Variants in CACNA2D4 observed in about 807,000 individuals in gnomAD.
CACNA2D4 encodes the protein calcium voltage-gated channel auxiliary subunit alpha2delta 4, also known as voltage-dependent calcium channel subunit alpha-2/delta-4.
In CACNA2D4, 157 loss-of-function variants were observed where a neutral mutation model predicts 163.8. The ratio of observed to expected loss-of-function variants is 0.96; its 90% CI spans 0.84 to 1.09. CACNA2D4 has a LOEUF of 1.09. Ranked by LOEUF, CACNA2D4 falls within the 50% of genes least tolerant of loss-of-function variation. The pLI is 0.00. For synonymous variants in CACNA2D4, 598 were observed against 586.9 expected, an observed-to-expected ratio of 1.02 and a Z score of -0.27; for missense variants, 1,410 against 1,479.9, an observed-to-expected ratio of 0.95 and a Z score of 0.78.
At chr12:1,807,452 C>A (rs1487241846) in intron 29 of CACNA2D4, among the ~76,000 whole-genome samples, 1 of 151,548 alleles carries the variant, frequency 6.6e-6, no homozygotes, top group Non-Finnish European at 1.5e-5. Flanking sequence ...ACTCTTTTTG[C>A]CATAGTTTGT....
chr12:1,834,488 C>G lies in CACNA2D4; in HGVS notation c.2551+6251G>C. On this transcript the variant is annotated intron_variant, in intron 26 of 37. Transcript: ENST00000382722. This position sits in a 1 kb window ranked among gnomAD's most constrained non-coding sequence, Gnocchi z 7.6. ...GGAGCCGGAGCCCAGCACAGCCTGC[C>G]CACAGAAGCAGAGGCACCGGCCGGC... 1 of 1,609,682 alleles carries G rather than the reference C, an allele frequency of 6.2e-7. No homozygotes were observed. Among genetic ancestry groups the G allele is most frequent in the Non-Finnish European group, 8.5e-7 (1 of 1,179,876 alleles).
chr12:1,807,485 TA>T (rs1266565285), intron 29 of CACNA2D4, among the ~76,000 whole-genome samples: 1 of 151,856 alleles, frequency 6.6e-6, no homozygotes, highest in Non-Finnish European at 1.5e-5. Flanking sequence ...ATAACTGCTC[TA>T]GAGTTGTTAA....
At chr12:1,822,436 C>G (rs749755896) in intron 26 of CACNA2D4, among the ~76,000 whole-genome samples, 1 of 152,088 alleles carries the variant, frequency 6.6e-6, no homozygotes, top group Non-Finnish European at 1.5e-5. Context: ...GCCTCCTGTG[C>G]CCTGCCTGGG....
rs999546293 is a variant in CACNA2D4 at position 1,811,668 on chromosome 12, C to T, written c.2607G>A (p.Thr869=). ...GGCCCGACATCACACCTACCTGCCG[C>T]GTTGCCGCCCAGAATTTGCGCTGGA... is the stretch of plus-strand genomic sequence containing the variant. ...EFLQRKFWAA[T]RQCSTVDGPC... is the part of the protein sequence containing the mutation. The change falls in exon 27 of 38, where the codon ACG becomes ACA. Residue 869 remains threonine (T), a synonymous_variant. Coordinates refer to ENST00000382722, the MANE Select transcript of CACNA2D4 (RefSeq NM_172364.5). 2.3e-5 allele frequency: 36 copies of T among 1,559,236 alleles called. No homozygotes were observed. Among genetic ancestry groups the T allele is most frequent in the East Asian group, 4.9e-5 (2 of 41,184 alleles).
At chr12:1,793,878 G>C in intron 37 of CACNA2D4, 119 bp from the exon 38 acceptor site, 1 of 734,176 alleles carries the variant, frequency 1.4e-6, no homozygotes. Flanking sequence ...TGGAAAGCCG[G>C]GGAAGCACTG....
chr12:1,830,718 G>A (rs933646699), intron 26 of CACNA2D4, among the ~76,000 whole-genome samples: 1 of 152,202 alleles, frequency 6.6e-6, no homozygotes, highest in African/African-American at 2.4e-5. Context: ...AAGGCAGGGC[G>A]CCCTGCAGAC....
chr12:1,825,596 G>A (rs576337855), intron 26 of CACNA2D4, among the ~76,000 whole-genome samples: 4 of 152,324 alleles, frequency 2.6e-5, no homozygotes, highest in South Asian at 2.1e-4. Context: ...AGCCAGGTGC[G>A]TGTGTGCATG....
At chr12:1,913,199 T>G in intron 2 of CACNA2D4, 60 bp from the exon 3 acceptor site, 1 of 1,139,912 alleles carries the variant, frequency 8.8e-7, no homozygotes, top group Non-Finnish European at 1.3e-6. Flanking sequence ...TAGTTGCACC[T>G]GTGTATGCAT....
chr12:1,870,618 T>C (rs984736167), intron 18 of CACNA2D4, among the ~76,000 whole-genome samples: 8 of 151,720 alleles, frequency 5.3e-5, no homozygotes, highest in Admixed American at 6.6e-5. Context: ...TGCCTTTCCG[T>C]TTTTGTTTTT....
Position 1,878,863 on chromosome 12 carries a change from G to A in CACNA2D4, c.1644+93C>T, listed in dbSNP as rs1865934585. 8.0e-7 allele frequency: 1 copy of A among 1,244,450 alleles called. No homozygotes were observed. The highest frequency in any genetic ancestry group is 1.4e-5 in the South Asian group (1 of 71,512). 77.1% of individuals were successfully genotyped at this position (1,244,450 alleles called of 1,614,324 possible). ...TGGAGGGGCCCCACCCCAGCTCTGG[G>A]CTTGGCTTGCCTGGAGAGAGGCTCC... On this transcript the variant is annotated intron_variant, in intron 15 of 37. Coordinates refer to ENST00000382722, the MANE Select transcript of CACNA2D4 (RefSeq NM_172364.5). This position sits in a 1 kb window ranked among gnomAD's most constrained non-coding sequence, Gnocchi z 4.6.
chr12:1,832,292 G>T (rs554326960), intron 26 of CACNA2D4, among the ~76,000 whole-genome samples: 8 of 152,316 alleles, frequency 5.3e-5, no homozygotes, highest in African/African-American at 1.4e-4. Context: ...GCAGGGCCTG[G>T]TCTGTAAAGT....
In CACNA2D4 at chr12:1,829,993, AG is replaced by A. The variant is rs1864547359; in HGVS notation, c.2551+10745del. Among the ~76,000 whole-genome samples the A allele has an allele frequency of 6.6e-6, 1 of 152,192 alleles. No individual in the cohort carries two copies. The highest frequency in any genetic ancestry group is 1.5e-5 in the Non-Finnish European group (1 of 68,022). The stretch of plus-strand genomic sequence containing the variant: ...ACTGCTCTGATGTGATTGTTCCCTG[AG>A]GGTTACTTCTCCCAGCCCTACAGAC... On this transcript the variant is annotated intron_variant, in intron 26 of 37. Transcript: ENST00000382722. This position sits in a 1 kb window ranked among gnomAD's most constrained non-coding sequence, Gnocchi z 4.2.
At chr12:1,841,810 C>T (rs1264142419) in intron 25 of CACNA2D4, among the ~76,000 whole-genome samples, 1 of 152,212 alleles carries the variant, frequency 6.6e-6, no homozygotes, top group Admixed American at 6.5e-5. Context: ...CTCACATCTG[C>T]CACGTCACCA....
intron 18 of CACNA2D4, among the ~76,000 whole-genome samples, chr12:1,868,353 GAC>G (rs1363742107): frequency 6.6e-6 from 1 of 151,980 alleles, no homozygotes; most frequent in Non-Finnish European, 1.5e-5. Flanking sequence ...AAATTAGCCA[GAC>G]ACAGAAAAAA....
intron 26 of CACNA2D4, among the ~76,000 whole-genome samples, chr12:1,838,834 C>T (rs917248766): frequency 1.3e-5 from 2 of 152,176 alleles, no homozygotes; most frequent in African/African-American, 2.4e-5. Context: ...GCTGGGAGCA[C>T]AGAACAGTCT....
chr12:1,804,654 C>T (rs1165758737), intron 29 of CACNA2D4, among the ~76,000 whole-genome samples: 1 of 152,214 alleles, frequency 6.6e-6, no homozygotes, highest in Non-Finnish European at 1.5e-5. Context: ...TCCCAGTAGC[C>T]CTTGCGGCAG....
intron 23 of CACNA2D4, among the ~76,000 whole-genome samples, chr12:1,849,507 T>C (rs1200059483): frequency 7.2e-5 from 11 of 152,266 alleles, no homozygotes; most frequent in African/African-American, 2.4e-5. Flanking sequence ...GATTATTTAA[T>C]GAACTTGATA....
chr12:1,859,441 A>AACCAGGGCTTTAC (rs1429582631), intron 19 of CACNA2D4, among the ~76,000 whole-genome samples: 3 of 152,214 alleles, frequency 2.0e-5, no homozygotes, highest in Non-Finnish European at 4.4e-5. Context: ...CAGGGCTGGG[A>AACCAGGGCTTTAC]ACCAGGGCTT....
chr12:1,899,406 G>A (rs1341576090), intron 6 of CACNA2D4, among the ~76,000 whole-genome samples: 1 of 151,768 alleles, frequency 6.6e-6, no homozygotes, highest in African/African-American at 2.4e-5. Context: ...ACAAAATAAA[G>A]AAATCTATAG....
Sources: allele counts gnomAD v4.1 joint callset (sites outside exome capture counted in the v4.1 genomes callset), GRCh38; gene constraint gnomAD v4.1.1; non-coding constraint Gnocchi (gnomAD v3.1); transcripts MANE v1.5; gene names NCBI Gene and HGNC (gene_info 2026-07-23, HGNC 2026-07-21).